R3HDM2: variants seen among roughly 807,000 people sequenced by gnomAD.
R3HDM2 encodes R3H domain-containing protein 2.
Under a neutral mutation model 124.5 loss-of-function variants are expected in R3HDM2, and 38 were observed. The ratio of observed to expected loss-of-function variants is 0.31; its 90% confidence interval spans 0.24 to 0.40. R3HDM2 has a LOEUF of 0.40. Ranked by LOEUF, R3HDM2 falls within the 10% of genes least tolerant of loss-of-function variation. R3HDM2 has a pLI of 1.00. For missense variants in R3HDM2, 869 were observed against 1,236.9 expected (o/e 0.70, Z 4.46); for synonymous variants, 391 against 448.0 (o/e 0.87, Z 1.61).
At chr12:57,257,848 G>T in intron 21 of R3HDM2, 142 bp downstream of exon 21, 1 of 887,870 alleles carries the variant, frequency 1.1e-6, no homozygotes, top group Non-Finnish European at 1.5e-6. Context: ...GCCTATACAG[G>T]GATGTTAAAG....
chr12:57,368,849 G>A (rs970865195), intron 2 of R3HDM2, among the ~76,000 whole-genome samples: 9 of 152,156 alleles, frequency 5.9e-5, no homozygotes, highest in African/African-American at 2.2e-4. Context: ...TGAACCCGAG[G>A]GTGATCTTGC....
chr12:57,416,323 T>C (rs1251521405), intron 1 of R3HDM2, among the ~76,000 whole-genome samples: 4 of 152,090 alleles, frequency 2.6e-5, no homozygotes, highest in African/African-American at 9.7e-5. Flanking sequence ...TGGCAAAATA[T>C]TATCAATTGG....
intron 2 of R3HDM2, among the ~76,000 whole-genome samples, chr12:57,380,339 G>C (rs1566416793): frequency 1.3e-5 from 2 of 152,274 alleles, no homozygotes; most frequent in East Asian, 3.9e-4. Flanking sequence ...AGAAGTAAGT[G>C]ATTCAGAATC....
chr12:57,303,128 A>C, intron 4 of R3HDM2, 48 bp downstream of exon 4: 2 of 1,430,058 alleles, frequency 1.4e-6, no homozygotes, highest in Non-Finnish European at 1.9e-6. Context: ...TACTTGTGAA[A>C]TGTATTACTA....
At chr12:57,377,078 C>CTAAATAAATCAATAAA (rs1555299099) in intron 2 of R3HDM2, among the ~76,000 whole-genome samples, 4 of 128,030 alleles carry the variant, frequency 3.1e-5, no homozygotes, top group African/African-American at 8.8e-5. Flanking sequence ...TGGGTCCACG[C>CTAAATAAATCAATAAA]TAAATAAATA....
intron 12 of R3HDM2, among the ~76,000 whole-genome samples, chr12:57,285,689 A>G (rs2047180607): frequency 6.6e-6 from 1 of 152,202 alleles, no homozygotes; most frequent in Non-Finnish European, 1.5e-5. Flanking sequence ...GTCAATAAAA[A>G]TGAGTGTGTT....
chr12:57,288,256 G>A (rs1190362642), intron 12 of R3HDM2, among the ~76,000 whole-genome samples: 3 of 151,650 alleles, frequency 2.0e-5, no homozygotes, highest in African/African-American at 7.3e-5. Flanking sequence ...CACCCACCTC[G>A]GCCTCCCAAT....
At chr12:57,282,629 C>G (rs2138001475) in intron 13 of R3HDM2, among the ~76,000 whole-genome samples, 1 of 151,664 alleles carries the variant, frequency 6.6e-6, no homozygotes, top group African/African-American at 2.4e-5. Context: ...AACTGCAATC[C>G]AGCCTGGATA....
At chr12:57,265,089 CT>C (rs1346153012) in intron 19 of R3HDM2, among the ~76,000 whole-genome samples, 2 of 152,144 alleles carry the variant, frequency 1.3e-5, no homozygotes, top group East Asian at 3.8e-4. Flanking sequence ...AATGGCTGGC[CT>C]CTCCAAAGAG....
At chr12:57,358,949 G>C (rs1011696583) in intron 2 of R3HDM2, among the ~76,000 whole-genome samples, 2 of 149,200 alleles carry the variant, frequency 1.3e-5, no homozygotes, top group African/African-American at 4.9e-5. Context: ...AGGGAGTCTC[G>C]CTCTGTCACC....
intron 1 of R3HDM2, among the ~76,000 whole-genome samples, chr12:57,427,177 G>C (rs986644670): frequency 4.0e-5 from 6 of 151,828 alleles, no homozygotes; most frequent in Non-Finnish European, 5.9e-5. Flanking sequence ...TGTAATCCTA[G>C]CTACTCAGGA....
chr12:57,263,881 A>T (rs779762418), intron 19 of R3HDM2, among the ~76,000 whole-genome samples: 2 of 152,228 alleles, frequency 1.3e-5, no homozygotes, highest in Admixed American at 1.3e-4. Flanking sequence ...AAAATCTTCA[A>T]GTGAAAATAT....
At chr12:57,396,465 T>A (rs1400070166) in intron 1 of R3HDM2, among the ~76,000 whole-genome samples, 2 of 144,386 alleles carry the variant, frequency 1.4e-5, no homozygotes, top group African/African-American at 2.6e-5. Context: ...ATAAATAAAA[T>A]AAAAAATAAA....
At chr12:57,422,021 A>C (rs1594656307) in intron 1 of R3HDM2, among the ~76,000 whole-genome samples, 2 of 144,980 alleles carry the variant, frequency 1.4e-5, no homozygotes. Context: ...TGAACCCGGG[A>C]GGCAGAGGTT....
intron 2 of R3HDM2, among the ~76,000 whole-genome samples, chr12:57,385,646 A>C (rs541726182): frequency 6.6e-6 from 1 of 151,204 alleles, no homozygotes; most frequent in Non-Finnish European, 1.5e-5. Context: ...TCGAGGCTGC[A>C]GTGAGCCCTG....
intron 2 of R3HDM2, among the ~76,000 whole-genome samples, chr12:57,385,444 G>A (rs368555223): frequency 5.9e-5 from 9 of 151,624 alleles, no homozygotes; most frequent in East Asian, 2.0e-4. Context: ...GGGTTTCACC[G>A]TGTTAGCCAG....
chr12:57,273,386 T>G (rs2137569719), intron 14 of R3HDM2, among the ~76,000 whole-genome samples: 1 of 152,350 alleles, frequency 6.6e-6, no homozygotes, highest in South Asian at 2.1e-4. Flanking sequence ...TTCCTTCCCT[T>G]CTTCCCCTCC....
At chr12:57,293,892 A>C (rs1244945256) in intron 10 of R3HDM2, among the ~76,000 whole-genome samples, 4 of 152,176 alleles carry the variant, frequency 2.6e-5, no homozygotes, top group Non-Finnish European at 5.9e-5. Flanking sequence ...ATTCCATTCC[A>C]AGAAGACACA....
At chr12:57,372,985 G>C (rs757112182) in intron 2 of R3HDM2, among the ~76,000 whole-genome samples, 2 of 152,234 alleles carry the variant, frequency 1.3e-5, no homozygotes, top group Non-Finnish European at 2.9e-5. Flanking sequence ...AAAGTGGGAG[G>C]ATCGCTTGAG....
Sources: allele counts gnomAD v4.1 joint callset (sites outside exome capture counted in the v4.1 genomes callset), GRCh38; gene constraint gnomAD v4.1.1; transcripts MANE v1.5; gene names NCBI Gene and HGNC (gene_info 2026-07-23, HGNC 2026-07-21).